RERE: variants seen among roughly 807,000 people sequenced by gnomAD.
The protein encoded by RERE is arginine-glutamic acid dipeptide repeats, also known as arginine-glutamic acid dipeptide repeats protein.
RERE carries 40 observed loss-of-function variants against 146.1 expected under a neutral mutation model. The ratio of observed to expected loss-of-function variants is 0.27; its 90% CI spans 0.21 to 0.36. The LOEUF is 0.36. Ranked by LOEUF, RERE falls within the 10% of genes least tolerant of loss-of-function variation. RERE has a pLI of 1.00. For synonymous variants in RERE, 1,003 were observed against 866.0 expected, an observed-to-expected ratio of 1.16 and a Z score of -2.78; for missense variants, 1,933 against 2,138.7, an observed-to-expected ratio of 0.90 and a Z score of 1.90.
chr1:8,566,495 C>CAT (rs1219649693), intron 4 of RERE, among the ~76,000 whole-genome samples: 1 of 152,046 alleles, frequency 6.6e-6, no homozygotes, highest in Non-Finnish European at 1.5e-5. Flanking sequence ...TGGCGACCGC[C>CAT]TGTAATCCCA....
chr1:8,445,502 CTTATT>C (rs902548718), intron 11 of RERE, among the ~76,000 whole-genome samples: 25 of 152,080 alleles, frequency 1.6e-4, no homozygotes, highest in African/African-American at 4.8e-4. Context: ...CTCTTTTTTA[CTTATT>C]TTATTTTTCA....
At chr1:8,709,185 G>A (rs1431605819) in intron 1 of RERE, among the ~76,000 whole-genome samples, 1 of 151,940 alleles carries the variant, frequency 6.6e-6, no homozygotes, top group Non-Finnish European at 1.5e-5. Context: ...TTCCCAAAGT[G>A]CTGGGATTAC....
Position 8,360,321 on chromosome 1 carries a change from A to G in RERE, c.3186T>C (p.Pro1062=), listed in dbSNP as rs1297150804. The G allele has an allele frequency of 1.3e-6, 2 of 1,527,662 alleles. No homozygotes were observed. The highest frequency in any genetic ancestry group is 1.8e-6 in the Non-Finnish European group (2 of 1,136,054). The allele number at this position is 1,527,662 out of a possible 1,614,324, so 94.6% of individuals were successfully genotyped here. Residue 1062 remains proline, a synonymous_variant, in exon 18 of 23, where the codon CCT becomes CCC. Transcript: ENST00000400908. The part of the protein sequence containing the change: ...CPSTSTPPAG[P]GTSAQPPCSG... ...AGCAGGGTGGCTGGGCCGAGGTGCC[A>G]GGTCCCGCCGGTGGGGTAGAGGTGG...
At chr1:8,711,908 T>C (rs925711748) in intron 1 of RERE, among the ~76,000 whole-genome samples, 1 of 152,238 alleles carries the variant, frequency 6.6e-6, no homozygotes, top group Non-Finnish European at 1.5e-5. Context: ...TCTAGTATTA[T>C]GCCGCCAATA....
chr1:8,706,705 T>C (rs572811321), intron 1 of RERE, among the ~76,000 whole-genome samples: 3 of 152,334 alleles, frequency 2.0e-5, no homozygotes, highest in East Asian at 3.9e-4. Context: ...TACTTTATTT[T>C]CAGGTTTTTT....
intron 12 of RERE, among the ~76,000 whole-genome samples, chr1:8,370,602 G>A (rs1041283865): frequency 1.3e-5 from 2 of 152,196 alleles, no homozygotes; most frequent in African/African-American, 4.8e-5. Flanking sequence ...TTCAACACTG[G>A]AATGAAGCGA....
chr1:8,721,722 G>A (rs1047563134), intron 1 of RERE, among the ~76,000 whole-genome samples: 1 of 152,116 alleles, frequency 6.6e-6, no homozygotes, highest in Non-Finnish European at 1.5e-5. Flanking sequence ...AGGGTTGCTG[G>A]CCTCTATTAG....
intron 1 of RERE, among the ~76,000 whole-genome samples, chr1:8,760,873 T>C (rs1335507242): frequency 6.6e-6 from 1 of 152,206 alleles, no homozygotes; most frequent in African/African-American, 2.4e-5. Flanking sequence ...CTACCATTTA[T>C]GGAGCACTTC....
At chr1:8,497,183 C>T (rs1420037599) in intron 9 of RERE, among the ~76,000 whole-genome samples, 1 of 152,100 alleles carries the variant, frequency 6.6e-6, no homozygotes, top group Non-Finnish European at 1.5e-5. Flanking sequence ...GTGGGGCAAA[C>T]ACCAAGAAGA....
chr1:8,766,693 A>T (rs1439180752), intron 1 of RERE, among the ~76,000 whole-genome samples: 1 of 152,226 alleles, frequency 6.6e-6, no homozygotes, highest in Non-Finnish European at 1.5e-5. Context: ...AGGAATCAAC[A>T]CAGCCCAGGG....
intron 1 of RERE, among the ~76,000 whole-genome samples, chr1:8,773,642 G>A (rs1209195455): frequency 6.6e-6 from 1 of 152,180 alleles, no homozygotes; most frequent in Non-Finnish European, 1.5e-5. Context: ...TGACCAACAC[G>A]GTGAAACCCT....
In RERE at chr1:8,766,699, C is replaced by T. The variant is rs188097276; in HGVS notation, c.-145+50461G>A. ...GAGAAGAGAAGGAATCAACACAGCC[C>T]AGGGTTACTTACTTAGAAAATTGAG... On this transcript the variant is annotated intron_variant, in intron 1 of 22. Coordinates refer to ENST00000400908, the MANE Select transcript of RERE (RefSeq NM_001042681.2). Among the ~76,000 whole-genome samples the T allele has an allele frequency of 2.6e-3, 403 of 152,108 alleles. 3 individuals are homozygous for T. Among genetic ancestry groups the T allele is most frequent in the African/African-American group, 9.2e-3 (383 of 41,490 alleles).
At chr1:8,762,800 C>A (rs1640780129) in intron 1 of RERE, among the ~76,000 whole-genome samples, 1 of 152,180 alleles carries the variant, frequency 6.6e-6, no homozygotes, top group Non-Finnish European at 1.5e-5. Context: ...AAGGTCAGCT[C>A]CTCTTTTTCT....
chr1:8,799,151 G>C (rs547686270), intron 1 of RERE, among the ~76,000 whole-genome samples: 1 of 150,364 alleles, frequency 6.7e-6, no homozygotes, highest in African/African-American at 2.5e-5. Flanking sequence ...CCGCCACCAC[G>C]TCCAGCTAAT....
At chr1:8,573,643 C>G (rs1208299882) in intron 4 of RERE, among the ~76,000 whole-genome samples, 1 of 152,094 alleles carries the variant, frequency 6.6e-6, no homozygotes, top group Admixed American at 6.5e-5. Flanking sequence ...CTTTTCTATT[C>G]AAATTATTTC....
At chr1:8,694,985 G>GGGGGA (rs1557486422) in intron 1 of RERE, among the ~76,000 whole-genome samples, 3 of 79,474 alleles carry the variant, frequency 3.8e-5, no homozygotes, top group African/African-American at 1.5e-4. Flanking sequence ...GGGGGGGGGG[G>GGGGGA]AATGCTGGCA....
At chr1:8,758,702 AGAG>A (rs1041549630) in intron 1 of RERE, among the ~76,000 whole-genome samples, 1 of 152,116 alleles carries the variant, frequency 6.6e-6, no homozygotes. Context: ...CCAAAGGCTG[AGAG>A]GAGGACTGGG....
intron 1 of RERE, among the ~76,000 whole-genome samples, chr1:8,710,631 G>A (rs1335024541): frequency 6.6e-6 from 1 of 152,156 alleles, no homozygotes; most frequent in Non-Finnish European, 1.5e-5. Context: ...CCATTCTCCT[G>A]CCTCAGCCTC....
Position 8,775,150 on chromosome 1 carries a change from G to A in RERE, c.-145+42010C>T, listed in dbSNP as rs1365901850. The stretch of plus-strand genomic sequence containing the variant: ...TAATTTTTGTATTTTTAGTAGAGAC[G>A]GGGTTTCACCATGTTGGCCAGGATG... On this transcript the variant is annotated intron_variant, in intron 1 of 22. Coordinates refer to ENST00000400908, the MANE Select transcript of RERE (RefSeq NM_001042681.2). 6.6e-5 allele frequency among the ~76,000 whole-genome samples: 10 copies of A among 151,522 alleles called. No homozygotes were observed. In the East Asian group the frequency reaches 9.7e-4, roughly 15 times the overall value.
Sources: allele counts gnomAD v4.1 joint callset (sites outside exome capture counted in the v4.1 genomes callset), GRCh38; gene constraint gnomAD v4.1.1; transcripts MANE v1.5; gene names NCBI Gene and HGNC (gene_info 2026-07-23, HGNC 2026-07-21).